ADAMTSL1: variants seen among roughly 807,000 people sequenced by gnomAD.
ADAMTSL1 encodes the protein ADAMTS-like protein 1.
Under a neutral mutation model 201.8 loss-of-function variants are expected in ADAMTSL1, and 126 were observed. That is an observed-to-expected ratio of 0.62 (90% CI 0.54 to 0.72). ADAMTSL1 has a LOEUF of 0.72. Among genes scored for constraint, ADAMTSL1 ranks in the 30% least tolerant of loss-of-function variants. The pLI is 0.00. For synonymous variants in ADAMTSL1, 1,121 were observed against 903.4 expected (o/e 1.24, Z -4.32); for missense variants, 2,679 against 2,277.8 (o/e 1.18, Z -3.59).
At chr9:18,345,007 A>C (rs73430937) in intron 2 of ADAMTSL1, among the ~76,000 whole-genome samples, 5,594 of 152,168 alleles carry the variant, frequency 0.037, 370 homozygotes, top group African/African-American at 0.13. Flanking sequence ...CTGGCTTCCG[A>C]CAAACATGAG....
At chr9:18,678,330 C>T (rs768455362) in intron 10 of ADAMTSL1, among the ~76,000 whole-genome samples, 1 of 152,100 alleles carries the variant, frequency 6.6e-6, no homozygotes, top group Non-Finnish European at 1.5e-5. Context: ...ATCTTCAGAT[C>T]TCCTGACATG....
chr9:18,656,651 T>C (rs1265398334), intron 7 of ADAMTSL1, among the ~76,000 whole-genome samples: 1 of 102,884 alleles, frequency 9.7e-6, no homozygotes, highest in Non-Finnish European at 2.2e-5. Context: ...AAAAAGAAAA[T>C]GTTAAGACTG....
intron 3 of ADAMTSL1, among the ~76,000 whole-genome samples, chr9:18,541,432 A>G (rs1820137772): frequency 6.6e-6 from 1 of 151,818 alleles, no homozygotes; most frequent in Non-Finnish European, 1.5e-5. Flanking sequence ...ATCGCGTGAA[A>G]CCAGGAGGTG....
chr9:18,483,078 G>GCGGA (rs1821809934), intron 1 of ADAMTSL1, among the ~76,000 whole-genome samples: 1 of 152,190 alleles, frequency 6.6e-6, no homozygotes, highest in African/African-American at 2.4e-5. Context: ...TTTGATGCAT[G>GCGGA]CGGAATGTGA....
At chr9:18,042,569 A>T (rs1586937842) in intron 1 of ADAMTSL1, among the ~76,000 whole-genome samples, 1 of 152,134 alleles carries the variant, frequency 6.6e-6, no homozygotes, top group Admixed American at 6.6e-5. Flanking sequence ...TCACTTCTTC[A>T]TTGCTACTCT....
In ADAMTSL1 at chr9:18,680,453, G is replaced by A; in HGVS notation, c.1278G>A (p.Met426Ile). 6.2e-7 allele frequency: 1 copy of A among 1,614,140 alleles called. No individual in the cohort carries two copies. The highest frequency in any genetic ancestry group is 8.5e-7 in the Non-Finnish European group (1 of 1,180,018). Residue 426 changes from methionine to isoleucine, a missense_variant, in exon 11 of 29, where the codon ATG becomes ATA. Met to Ile is a conservative substitution (Grantham distance 10). Transcript: ENST00000380548. ...GGAAATGCATGTACACCCCTAAGAT[G>A]CCCATCGCGCAGCCCTGCAACATTT... ...EEWKCMYTPK[M>I]PIAQPCNIFD...
rs904356461 is a variant in ADAMTSL1, at chr9:18,753,388, A to G, written c.2097A>G (p.Arg699=). 6.8e-6 allele frequency: 11 copies of G among 1,612,750 alleles called. 1 individual carries two copies. Among genetic ancestry groups the G allele is most frequent in the South Asian group, 5.5e-5 (5 of 90,654 alleles). The part of the protein sequence containing the change: ...RDVFCSHLLS[R]EMNETVILAD... ...TCTTCTGCAGCCACCTGCTTTCCAG[A>G]GAGATGAATGAAACAGTCATCCTGG... is the stretch of plus-strand genomic sequence containing the variant. Residue 699 remains arginine (R), a synonymous_variant, in exon 16 of 29, where the codon AGA becomes AGG. Coordinates refer to ENST00000380548, the MANE Select transcript of ADAMTSL1 (RefSeq NM_001040272.6).
At chr9:18,182,938 A>G (rs1828566719) in intron 2 of ADAMTSL1, among the ~76,000 whole-genome samples, 1 of 152,200 alleles carries the variant, frequency 6.6e-6, no homozygotes, top group Non-Finnish European at 1.5e-5. Context: ...AAGCTGAACC[A>G]GCTTAAATAT....
At chr9:18,714,841 A>T (rs1278657076) in intron 14 of ADAMTSL1, among the ~76,000 whole-genome samples, 1 of 151,626 alleles carries the variant, frequency 6.6e-6, no homozygotes, top group Admixed American at 6.6e-5. Flanking sequence ...TTGATGCAAA[A>T]ATCCTCAGTA....
chr9:18,858,252 G>A (rs564066375), intron 23 of ADAMTSL1, among the ~76,000 whole-genome samples: 33 of 151,836 alleles, frequency 2.2e-4, no homozygotes, highest in African/African-American at 7.5e-4. Context: ...TTTCTTATGC[G>A]ATCAAGCCCT....
chr9:18,185,692 A>C (rs537341465), intron 2 of ADAMTSL1, among the ~76,000 whole-genome samples: 45 of 152,308 alleles, frequency 3.0e-4, no homozygotes, highest in Admixed American at 2.6e-3. Flanking sequence ...TAGCTGTCTA[A>C]ATCAATTTGG....
chr9:18,557,812 G>A (rs1165289655), intron 3 of ADAMTSL1, among the ~76,000 whole-genome samples: 2 of 151,876 alleles, frequency 1.3e-5, no homozygotes, highest in Non-Finnish European at 2.9e-5. Flanking sequence ...CTCCATATTT[G>A]CAATCTATCA....
chr9:18,003,317 G>A (rs781025822), intron 1 of ADAMTSL1, among the ~76,000 whole-genome samples: 1 of 151,918 alleles, frequency 6.6e-6, no homozygotes. Flanking sequence ...TTCACCCAAG[G>A]GTTGTTCTAC....
chr9:18,895,929 A>T (rs752282389), intron 26 of ADAMTSL1, among the ~76,000 whole-genome samples: 2 of 152,366 alleles, frequency 1.3e-5, no homozygotes, highest in Non-Finnish European at 2.9e-5. Context: ...TATCTTAAAT[A>T]TGCTAAATTG....
chr9:18,362,207 G>A (rs533834725), intron 2 of ADAMTSL1: 1 of 152,166 alleles, frequency 6.6e-6, no homozygotes, highest in African/African-American at 2.4e-5. Flanking sequence ...ATACAATTTT[G>A]TTCTCACCTA....
intron 2 of ADAMTSL1, among the ~76,000 whole-genome samples, chr9:18,338,925 C>A (rs1007425604): frequency 5.9e-5 from 9 of 152,106 alleles, no homozygotes; most frequent in Non-Finnish European, 1.3e-4. Flanking sequence ...GCCTCCAGAT[C>A]CAACCATGTT....
chr9:17,992,907 T>G (rs1819219462), intron 1 of ADAMTSL1, among the ~76,000 whole-genome samples: 1 of 152,166 alleles, frequency 6.6e-6, no homozygotes, highest in South Asian at 2.1e-4. Flanking sequence ...GCATTACACA[T>G]AACCCTTTAC....
At chr9:17,966,230 GA>G in intron 1 of ADAMTSL1, among the ~76,000 whole-genome samples, 1 of 152,284 alleles carries the variant, frequency 6.6e-6, no homozygotes, top group East Asian at 1.9e-4. Flanking sequence ...AGGAAACACA[GA>G]GAAGAAATAA....
At chr9:18,627,664 C>G (rs1052803277) in intron 5 of ADAMTSL1, among the ~76,000 whole-genome samples, 1 of 152,196 alleles carries the variant, frequency 6.6e-6, no homozygotes, top group Non-Finnish European at 1.5e-5. Flanking sequence ...CTCAAGCTTC[C>G]TCTTCTGCCT....
Sources: gnomAD v4.1 joint callset for allele counts (sites outside exome capture counted in the v4.1 genomes callset) on GRCh38, gnomAD v4.1.1 for gene constraint, MANE v1.5 for transcripts, NCBI Gene and HGNC (gene_info 2026-07-23, HGNC 2026-07-21) for gene names.